Variants in ADAMTSL1 observed in about 807,000 individuals in gnomAD.
ADAMTSL1 encodes the protein ADAMTS like 1.
In ADAMTSL1, 126 loss-of-function variants were observed where a neutral mutation model predicts 201.8. That is an observed-to-expected ratio of 0.62 (90% CI 0.54 to 0.72). The LOEUF (loss-of-function observed/expected upper bound fraction) is 0.72. Ranked by LOEUF, ADAMTSL1 falls within the 30% of genes least tolerant of loss-of-function variation. ADAMTSL1 has a pLI of 0.00. For synonymous variants in ADAMTSL1, 1,121 were observed against 903.4 expected, an observed-to-expected ratio of 1.24 and a Z score of -4.32; for missense variants, 2,679 against 2,277.8, an observed-to-expected ratio of 1.18 and a Z score of -3.59.
intron 2 of ADAMTSL1, among the ~76,000 whole-genome samples, chr9:18,213,374 A>G (rs112138472): frequency 0.014 from 2,203 of 152,268 alleles, 61 homozygotes; most frequent in African/African-American, 0.049. Flanking sequence ...CCTTCGGAGA[A>G]CAAAACACTG....
chr9:18,895,680 A>T (rs1344906584), intron 26 of ADAMTSL1, among the ~76,000 whole-genome samples: 3 of 152,142 alleles, frequency 2.0e-5, no homozygotes, highest in Non-Finnish European at 2.9e-5. Context: ...AGATCTGAGA[A>T]GACCTTACGC....
chr9:18,042,175 C>T (rs1051810384), intron 1 of ADAMTSL1, among the ~76,000 whole-genome samples: 3 of 151,268 alleles, frequency 2.0e-5, no homozygotes, highest in Non-Finnish European at 4.4e-5. Flanking sequence ...GAAGAACCAG[C>T]CATGAAAGCT....
intron 1 of ADAMTSL1, among the ~76,000 whole-genome samples, chr9:17,926,998 C>T (rs1434692219): frequency 1.3e-5 from 2 of 152,096 alleles, no homozygotes; most frequent in African/African-American, 2.4e-5. Flanking sequence ...CATTACCATC[C>T]GTCTCCAGAG....
chr9:18,119,418 A>G (rs1042695608), intron 1 of ADAMTSL1, among the ~76,000 whole-genome samples: 4 of 151,876 alleles, frequency 2.6e-5, no homozygotes, highest in Non-Finnish European at 5.9e-5. Context: ...CTCCTGCCTC[A>G]GCTTCCCAAG....
chr9:18,399,421 C>T (rs997539702), intron 2 of ADAMTSL1, among the ~76,000 whole-genome samples: 24 of 150,256 alleles, frequency 1.6e-4, no homozygotes, highest in Non-Finnish European at 3.0e-4. Flanking sequence ...CTCACTGCAA[C>T]CTCCGCCTCC....
chr9:18,099,588 C>T (rs1164354598), intron 1 of ADAMTSL1, among the ~76,000 whole-genome samples: 3 of 148,176 alleles, frequency 2.0e-5, no homozygotes, highest in East Asian at 3.9e-4. Flanking sequence ...ATATTTGTCC[C>T]TTTCTCTTGA....
chr9:18,034,916 G>A (rs368214543), intron 1 of ADAMTSL1, among the ~76,000 whole-genome samples: 1 of 152,040 alleles, frequency 6.6e-6, no homozygotes, highest in Admixed American at 6.5e-5. Flanking sequence ...AAACTCCTCG[G>A]TATGGTAATC....
Position 18,771,592 on chromosome 9 carries a change from T to G in ADAMTSL1, c.2397+811T>G, listed in dbSNP as rs1820689668. On this transcript the variant is annotated intron_variant, in intron 17 of 28. Coordinates refer to ENST00000380548, the MANE Select transcript of ADAMTSL1 (RefSeq NM_001040272.6). The stretch of plus-strand genomic sequence containing the variant: ...CAAAATTGTTGCCTCACAAGAAGAT[T>G]TAGCCAAGAACAGAATCACTAGACC... Among the ~76,000 whole-genome samples the G allele has an allele frequency of 1.3e-5, 2 of 152,254 alleles. 1 individual carries two copies. Among genetic ancestry groups the G allele is most frequent in the South Asian group, 4.2e-4 (2 of 4,818 alleles).
At chr9:17,999,605 CT>C (rs71492929) in intron 1 of ADAMTSL1, among the ~76,000 whole-genome samples, 3,578 of 147,480 alleles carry the variant, frequency 0.024, 138 homozygotes, top group African/African-American at 0.08. Flanking sequence ...TTTTCAGACA[CT>C]TTTTTTTTTT....
chr9:18,679,255 C>T (rs1261366153), intron 10 of ADAMTSL1, among the ~76,000 whole-genome samples: 1 of 152,146 alleles, frequency 6.6e-6, no homozygotes, highest in African/African-American at 2.4e-5. Context: ...AACCCAGTGA[C>T]ATTTTGTTTC....
intron 1 of ADAMTSL1, among the ~76,000 whole-genome samples, chr9:18,130,677 G>A (rs1825913951): frequency 6.6e-6 from 1 of 152,142 alleles, no homozygotes; most frequent in Non-Finnish European, 1.5e-5. Context: ...GAGCATTTTA[G>A]GAATACAAAC....
At chr9:18,480,153 TTAAAA>T (rs1159078422) in intron 1 of ADAMTSL1, among the ~76,000 whole-genome samples, 1 of 152,210 alleles carries the variant, frequency 6.6e-6, no homozygotes, top group Non-Finnish European at 1.5e-5. Flanking sequence ...TTGAAGGTAC[TTAAAA>T]TAAACTCTCA....
At chr9:18,278,199 T>C (rs1424056453) in intron 2 of ADAMTSL1, among the ~76,000 whole-genome samples, 7 of 152,190 alleles carry the variant, frequency 4.6e-5, no homozygotes, top group African/African-American at 1.7e-4. Context: ...TGCACTACCA[T>C]TATGGTATTA....
intron 23 of ADAMTSL1, among the ~76,000 whole-genome samples, chr9:18,858,088 T>A: frequency 6.6e-6 from 1 of 152,238 alleles, no homozygotes; most frequent in South Asian, 2.1e-4. Flanking sequence ...TGTATAGCCA[T>A]ATACACACAC....
chr9:18,549,208 G>A (rs961574663), intron 3 of ADAMTSL1, among the ~76,000 whole-genome samples: 2 of 151,850 alleles, frequency 1.3e-5, no homozygotes, highest in Non-Finnish European at 1.5e-5. Flanking sequence ...AGGATAAGGG[G>A]GAAATAGTAA....
chr9:18,634,589 C>T (rs947449642), intron 5 of ADAMTSL1, among the ~76,000 whole-genome samples: 1 of 151,926 alleles, frequency 6.6e-6, no homozygotes, highest in Non-Finnish European at 1.5e-5. Flanking sequence ...CCTGTAATCC[C>T]AGCACTTTGG....
At chr9:18,029,386 A>G (rs1173429693) in intron 1 of ADAMTSL1, among the ~76,000 whole-genome samples, 1 of 152,230 alleles carries the variant, frequency 6.6e-6, no homozygotes, top group African/African-American at 2.4e-5. Context: ...TGCCTTATAC[A>G]AAAATTAATT....
intron 20 of ADAMTSL1, among the ~76,000 whole-genome samples, chr9:18,804,057 G>A (rs540867241): frequency 2.0e-5 from 3 of 152,220 alleles, no homozygotes; most frequent in African/African-American, 4.8e-5. Context: ...CCTCTTTCCC[G>A]TTATAAACAG....
intron 13 of ADAMTSL1, among the ~76,000 whole-genome samples, chr9:18,693,785 T>G (rs2092786965): frequency 6.6e-6 from 1 of 152,224 alleles, no homozygotes; most frequent in African/African-American, 2.4e-5. Context: ...CATAAAGATT[T>G]GCATTGTGAT....
Sources: gnomAD v4.1 joint callset for allele counts (sites outside exome capture counted in the v4.1 genomes callset) on GRCh38, gnomAD v4.1.1 for gene constraint, MANE v1.5 for transcripts, NCBI Gene and HGNC (gene_info 2026-07-23, HGNC 2026-07-21) for gene names.